The following USP49 variants were observed in gnomAD, a reference collection of about 807,000 sequenced individuals.
The protein encoded by USP49 is ubiquitin specific peptidase 49.
In USP49, 24 loss-of-function variants were observed where a neutral mutation model predicts 58.6. That is an observed-to-expected ratio of 0.41 (90% CI 0.30 to 0.58). USP49 has a LOEUF of 0.58. Among genes scored for constraint, USP49 ranks in the 20% least tolerant of loss-of-function variants. USP49 has a pLI of 0.30. For synonymous variants in USP49, 408 were observed against 365.1 expected (o/e 1.12, Z -1.34); for missense variants, 703 against 866.1 (o/e 0.81, Z 2.36).
At position 41,792,704 on chromosome 6, in the gene USP49, T is replaced by TCA. The variant is rs1772818497; in HGVS notation, c.*3827_*3828dup. 1 of 152,254 alleles carries TCA rather than the reference T, an allele frequency of 6.6e-6. No individual in the cohort carries two copies. Among genetic ancestry groups the TCA allele is most frequent in the African/African-American group, 2.4e-5 (1 of 41,468 alleles). The allele number at this position is 152,254 out of a possible 1,614,324, so 9.4% of individuals were successfully genotyped here. ...ACTTGCTGGTAAGAATAATTTGCATTCACACACAAGAGACATGAAATGCTT... is the reference window on the plus strand; with the variant it reads ...ACTTGCTGGTAAGAATAATTTGCATTCACACACACAAGAGACATGAAATGCTT... On this transcript the variant is annotated 3_prime_UTR_variant, in exon 8 of 8. Transcript: ENST00000682992.
intron 3 of USP49, among the ~76,000 whole-genome samples, chr6:41,864,372 G>A (rs952302054): frequency 5.9e-5 from 9 of 152,118 alleles, no homozygotes; most frequent in African/African-American, 2.2e-4. Context: ...AGACCGGCCT[G>A]GTCAACATGG....
At chr6:41,881,537 GA>G (rs1451116504) in intron 2 of USP49, among the ~76,000 whole-genome samples, 3 of 151,244 alleles carry the variant, frequency 2.0e-5, no homozygotes, top group African/African-American at 4.9e-5. Flanking sequence ...GAAACTAAAG[GA>G]AAAAAAAGTC....
chr6:41,886,390 T>C (rs1401634141), intron 2 of USP49: 2 of 152,246 alleles, frequency 1.3e-5, no homozygotes, highest in Non-Finnish European at 2.9e-5. Flanking sequence ...TAGATGTCTA[T>C]GATCATTAAG....
chr6:41,855,206 T>C (rs1774105151), intron 3 of USP49, among the ~76,000 whole-genome samples: 1 of 151,838 alleles, frequency 6.6e-6, no homozygotes, highest in South Asian at 2.1e-4. Flanking sequence ...GGCATAGTAC[T>C]GTTTCTTCAT....
At chr6:41,868,696 T>A (rs908244483) in intron 3 of USP49, 1 of 152,120 alleles carries the variant, frequency 6.6e-6, no homozygotes, top group Non-Finnish European at 1.5e-5. Context: ...GATAGAATAG[T>A]CCATAATAAT....
intron 2 of USP49, among the ~76,000 whole-genome samples, chr6:41,873,543 A>G (rs1249395422): frequency 6.6e-6 from 1 of 152,230 alleles, no homozygotes; most frequent in Non-Finnish European, 1.5e-5. Context: ...CTAAGCTGAC[A>G]CTTTATGGAC....
chr6:41,843,280 T>C (rs999469474), intron 3 of USP49, among the ~76,000 whole-genome samples: 1 of 152,222 alleles, frequency 6.6e-6, no homozygotes, highest in Non-Finnish European at 1.5e-5. Context: ...TATTTCATCT[T>C]TGCATCATTT....
At chr6:41,865,046 T>C (rs1774286426) in intron 3 of USP49, among the ~76,000 whole-genome samples, 4 of 152,120 alleles carry the variant, frequency 2.6e-5, no homozygotes, top group African/African-American at 9.7e-5. Flanking sequence ...TTTTTATTTA[T>C]TTATTTATTT....
intron 3 of USP49, among the ~76,000 whole-genome samples, chr6:41,854,179 T>G (rs1379119050): frequency 6.8e-6 from 1 of 147,014 alleles, no homozygotes; most frequent in Non-Finnish European, 1.5e-5. Flanking sequence ...TACCTGGGTG[T>G]GGTGGTGTGC....
Position 41,806,519 on chromosome 6 carries a change from C to T in USP49, c.465G>A (p.Leu155=). 6.3e-7 allele frequency: 1 copy of T among 1,599,534 alleles called. No homozygotes were observed. The highest frequency in any genetic ancestry group is 2.2e-5 in the East Asian group (1 of 44,868). ...YRRQRLLART[L]RLWFEKSSRG... ...GGGAGCTCTTCTCGAACCACAGCCG[C>T]AGCGTCCTGGCCAGCAGGCGCTGAC... Residue 155 remains leucine (L), a synonymous_variant, in exon 4 of 8, where the codon CTG becomes CTA. Coordinates refer to ENST00000682992, the MANE Select transcript of USP49 (RefSeq NM_001286554.2). The surrounding 1 kb of genome is among the most constrained non-coding windows in gnomAD (Gnocchi z 5.9).
intron 3 of USP49, among the ~76,000 whole-genome samples, chr6:41,850,634 C>G (rs1237802694): frequency 6.8e-6 from 1 of 147,562 alleles, no homozygotes; most frequent in Non-Finnish European, 1.5e-5. Flanking sequence ...GAGACAGAGT[C>G]TCATTCTGTT....
intron 3 of USP49, among the ~76,000 whole-genome samples, chr6:41,849,271 G>T (rs1773978372): frequency 6.6e-6 from 1 of 152,128 alleles, no homozygotes; most frequent in Admixed American, 6.6e-5. Flanking sequence ...AAATATTTAT[G>T]CTCCAAACAT....
At position 41,792,765 on chromosome 6, in the gene USP49, C is replaced by G. The variant is rs964052663; in HGVS notation, c.*3768G>C. 1.3e-5 allele frequency: 2 copies of G among 152,276 alleles called. No homozygotes were observed. The highest frequency in any genetic ancestry group is 2.4e-5 in the African/African-American group (1 of 41,480). 9.4% of individuals were successfully genotyped at this position (152,276 alleles called of 1,614,324 possible). A position where few individuals can be genotyped will look rare whatever the true frequency, so the allele number is the denominator to read the frequency against. ...TGTGATACCAGATGTCCTTTAAACA[C>G]TACACAGACCCATTTGCCACTTGAA... is the stretch of plus-strand genomic sequence containing the variant. On this transcript the variant is annotated 3_prime_UTR_variant, in exon 8 of 8. Coordinates refer to ENST00000682992, the MANE Select transcript of USP49 (RefSeq NM_001286554.2).
At chr6:41,827,970 C>A (rs1186073735) in intron 3 of USP49, among the ~76,000 whole-genome samples, 1 of 152,108 alleles carries the variant, frequency 6.6e-6, no homozygotes, top group African/African-American at 2.4e-5. Context: ...CTGGCTTACT[C>A]AAATTTGATT....
intron 3 of USP49, among the ~76,000 whole-genome samples, chr6:41,827,205 A>C (rs1443724858): frequency 6.6e-6 from 1 of 152,226 alleles, no homozygotes; most frequent in Non-Finnish European, 1.5e-5. Context: ...ATCATACGTT[A>C]TTCTCACAAA....
Position 41,881,963 on chromosome 6 carries a change from A to G in USP49, c.-103+9831T>C, listed in dbSNP as rs79475640. ...TAATCTAAATCAAATTATAATCTCA[A>G]TCTTAATCAAAATTACAACAGGACA... On this transcript the variant is annotated intron_variant, in intron 2 of 7. Transcript: ENST00000682992. 6.3e-3 allele frequency among the ~76,000 whole-genome samples: 953 copies of G among 152,246 alleles called. 9 individuals carry two copies. Among genetic ancestry groups the G allele is most frequent in the African/African-American group, 0.02 (833 of 41,542 alleles).
In USP49 at chr6:41,799,079, CTTATTTATTTATTTATTTAT is replaced by C. The variant is rs3050156; in HGVS notation, c.1671-170_1671-151del. 1.9e-5 allele frequency: 7 copies of C among 360,596 alleles called. 3 individuals carry two copies. The highest frequency in any genetic ancestry group is 1.9e-4 in the South Asian group (2 of 10,402). The allele number at this position is 360,596 out of a possible 1,614,324, so 22.3% of individuals were successfully genotyped here. ...AAAATGGTGGTAATCAATGTTCACA[CTTATTTATTTATTTATTTAT>C]TTATTTATTTATTTATTTTCAGACA... On this transcript the variant is annotated intron_variant, in intron 6 of 7. Coordinates refer to ENST00000682992, the MANE Select transcript of USP49 (RefSeq NM_001286554.2).
In USP49 at chr6:41,793,348, C is replaced by T. The variant is rs1008361241; in HGVS notation, c.*3185G>A. 20 of 152,618 alleles carry T rather than the reference C, an allele frequency of 1.3e-4. No individual in the cohort carries two copies. The highest frequency in any genetic ancestry group is 4.8e-4 in the African/African-American group (20 of 41,442). The allele number at this position is 152,618 out of a possible 1,614,324, so 9.5% of individuals were successfully genotyped here. On this transcript the variant is annotated 3_prime_UTR_variant, in exon 8 of 8. Coordinates refer to ENST00000682992, the MANE Select transcript of USP49 (RefSeq NM_001286554.2). ...CGATCTCGGCTCACTGCCCCTTCTGCCTCCTGGGTTCCAGCGATTCTCCTG... is the reference window on the plus strand; with the variant it reads ...CGATCTCGGCTCACTGCCCCTTCTGTCTCCTGGGTTCCAGCGATTCTCCTG...
Position 41,821,974 on chromosome 6 carries a change from C to T in USP49, c.-28-14963G>A, listed in dbSNP as rs370756152. On this transcript the variant is annotated intron_variant, in intron 3 of 7. Coordinates refer to ENST00000682992, the MANE Select transcript of USP49 (RefSeq NM_001286554.2). ...AAAATCTGGCCACACAGATCCAGCA[C>T]AGTATTCACAAACACCAACCAACAG... Among the ~76,000 whole-genome samples, 31 of 152,158 alleles carry T rather than the reference C, an allele frequency of 2.0e-4. No individual in the cohort carries two copies. The East Asian group carries it at 4.0e-3, about 20-fold the overall frequency.
Sources: gnomAD v4.1 joint callset for allele counts (sites outside exome capture counted in the v4.1 genomes callset) on GRCh38, gnomAD v4.1.1 for gene constraint, Gnocchi (gnomAD v3.1) non-coding constraint, MANE v1.5 for transcripts, NCBI Gene and HGNC (gene_info 2026-07-23, HGNC 2026-07-21) for gene names.